PPP2R5A: variants seen among roughly 807,000 people sequenced by gnomAD.
The protein encoded by PPP2R5A is serine/threonine-protein phosphatase 2A 56 kDa regulatory subunit alpha isoform.
In PPP2R5A, 25 loss-of-function variants were observed where a neutral mutation model predicts 64.2. That is an observed-to-expected ratio of 0.39 (90% confidence interval 0.28 to 0.54). PPP2R5A has a LOEUF of 0.54. PPP2R5A is among the 20% of genes least tolerant of loss of function. PPP2R5A has a pLI of 0.67. For synonymous variants in PPP2R5A, 198 were observed against 201.2 expected (o/e 0.98, Z 0.13); for missense variants, 425 against 576.3 (o/e 0.74, Z 2.69).
In PPP2R5A at chr1:212,297,091, T is replaced by TTCC. The variant is rs1322763153; in HGVS notation, c.181+10802_181+10803insCTC. 7.5e-5 allele frequency among the ~76,000 whole-genome samples: 10 copies of TTCC among 133,450 alleles called. 3 individuals are homozygous for TTCC. Among genetic ancestry groups the TTCC allele is most frequent in the African/African-American group, 2.7e-4 (10 of 36,542 alleles). The allele number at this position is 133,450 out of a possible 152,430, so 87.5% of individuals were successfully genotyped here. A position where few individuals can be genotyped will look rare whatever the true frequency, so the allele number is the denominator to read the frequency against. ...ATACGTTTCTTTTCTTTTTCTTTGC[T>TTCC]TCTTCTTTTTTTTTTTTTTTTTTTT... On this transcript the variant is annotated intron_variant, in intron 1 of 12. Coordinates refer to ENST00000261461, the MANE Select transcript of PPP2R5A (RefSeq NM_006243.4).
rs372751886 is a variant in PPP2R5A, at chr1:212,350,927, C to CA, written c.927+1686dup. The stretch of plus-strand genomic sequence containing the variant: ...CCGAGGCAGGCGGATCACCTCAGGT[C>CA]AGGAGTTCAAGATCAGCCTGATCAA... On this transcript the variant is annotated intron_variant, in intron 8 of 12. Coordinates refer to ENST00000261461, the MANE Select transcript of PPP2R5A (RefSeq NM_006243.4). Among the ~76,000 whole-genome samples the CA allele has an allele frequency of 1.9e-3, 289 of 148,960 alleles. 3 individuals carry two copies. Among genetic ancestry groups the CA allele is most frequent in the African/African-American group, 6.9e-3 (278 of 40,464 alleles).
At chr1:212,320,301 G>T (rs1044699473) in intron 1 of PPP2R5A, among the ~76,000 whole-genome samples, 4 of 152,186 alleles carry the variant, frequency 2.6e-5, no homozygotes, top group African/African-American at 9.7e-5. Context: ...GCAGAAGAAT[G>T]TTTCTTAGTA....
At chr1:212,304,731 GTT>G (rs1401989270) in intron 1 of PPP2R5A, among the ~76,000 whole-genome samples, 3 of 124,828 alleles carry the variant, frequency 2.4e-5, no homozygotes, top group Non-Finnish European at 3.4e-5. Flanking sequence ...GCCGGCCCCA[GTT>G]TTTTTTTTTT....
intron 1 of PPP2R5A, among the ~76,000 whole-genome samples, chr1:212,291,191 A>G (rs1658596421): frequency 6.6e-6 from 1 of 151,268 alleles, no homozygotes; most frequent in Admixed American, 6.6e-5. Context: ...GCTCACTGCC[A>G]CCTCTGCCTC....
intron 1 of PPP2R5A, among the ~76,000 whole-genome samples, chr1:212,318,159 T>C (rs1189240989): frequency 6.6e-6 from 1 of 152,180 alleles, no homozygotes; most frequent in Non-Finnish European, 1.5e-5. Flanking sequence ...ATTTTTACAG[T>C]GTTGAGAATT....
Position 212,329,186 on chromosome 1 carries a change from G to A in PPP2R5A, c.233G>A (p.Cys78Tyr). The A allele has an allele frequency of 6.2e-7, 1 of 1,611,712 alleles. No individual in the cohort carries two copies. Among genetic ancestry groups the A allele is most frequent in the Non-Finnish European group, 8.5e-7 (1 of 1,179,192 alleles). Reference protein sequence around the residue: ...QELFCQKLQQCCILFDFMDSV... With the variant: ...QELFCQKLQQYCILFDFMDSV... ...CTTTTCTGTCAGAAGTTGCAGCAGTGTTGTATACTGTTTGATTTCATGGAC... is the reference window on the plus strand; with the variant it reads ...CTTTTCTGTCAGAAGTTGCAGCAGTATTGTATACTGTTTGATTTCATGGAC... The change falls in exon 2 of 13, where the codon TGT becomes TAT. Residue 78 changes from cysteine to tyrosine, a missense_variant. Transcript: ENST00000261461.
intron 9 of PPP2R5A, 28 bp downstream of exon 9, chr1:212,356,704 A>T (rs769263197): frequency 6.2e-7 from 1 of 1,602,922 alleles, no homozygotes; most frequent in South Asian, 1.1e-5. Context: ...AATGTAGTGC[A>T]TTTTACTAGA....
At chr1:212,303,665 A>C (rs551318134) in intron 1 of PPP2R5A, among the ~76,000 whole-genome samples, 1 of 152,008 alleles carries the variant, frequency 6.6e-6, no homozygotes, top group South Asian at 2.1e-4. Flanking sequence ...GAATTTTGTA[A>C]TTTTAACCTT....
At chr1:212,288,177 C>G (rs1658540057) in intron 1 of PPP2R5A, among the ~76,000 whole-genome samples, 1 of 152,098 alleles carries the variant, frequency 6.6e-6, no homozygotes, top group Non-Finnish European at 1.5e-5. Flanking sequence ...TCACCATGGC[C>G]GGCTAATTTC....
chr1:212,327,987 G>T (rs1659436685), intron 1 of PPP2R5A, among the ~76,000 whole-genome samples: 1 of 152,144 alleles, frequency 6.6e-6, no homozygotes, highest in South Asian at 2.1e-4. Context: ...GATAATTTTT[G>T]TATTTTTAGT....
chr1:212,321,195 A>AC (rs1263943814), intron 1 of PPP2R5A, among the ~76,000 whole-genome samples: 11 of 136,160 alleles, frequency 8.1e-5, no homozygotes, highest in East Asian at 2.3e-4. Context: ...CGGGGGGCTG[A>AC]CCCCCCCACA....
intron 1 of PPP2R5A, among the ~76,000 whole-genome samples, chr1:212,316,610 TTTTA>T (rs1462427522): frequency 1.3e-5 from 2 of 148,148 alleles, no homozygotes; most frequent in Non-Finnish European, 3.0e-5. Context: ...TTTTTTTTTT[TTTTA>T]ATCTGAAAGC....
In PPP2R5A at chr1:212,342,256, C is replaced by T; in HGVS notation, c.549C>T (p.Tyr183=). 1.2e-6 allele frequency: 2 copies of T among 1,613,456 alleles called. No homozygotes were observed. The highest frequency in any genetic ancestry group is 2.2e-5 in the East Asian group (1 of 44,800). The change falls in exon 4 of 13, where the codon TAC becomes TAT. Residue 183 remains tyrosine (Y), a synonymous_variant. Coordinates refer to ENST00000261461, the MANE Select transcript of PPP2R5A (RefSeq NM_006243.4). ...TCCAGCCTAGCATTGCAAAACGATACATTGATCAGAAATTCGTACAACAGG... is the reference window on the plus strand; with the variant it reads ...TCCAGCCTAGCATTGCAAAACGATATATTGATCAGAAATTCGTACAACAGG... The part of the protein sequence containing the change: ...PDFQPSIAKR[Y]IDQKFVQQLL...
intron 12 of PPP2R5A, among the ~76,000 whole-genome samples, chr1:212,359,415 G>C (rs1660042233): frequency 6.6e-6 from 1 of 152,146 alleles, no homozygotes; most frequent in Non-Finnish European, 1.5e-5. Flanking sequence ...GTATTTTAGA[G>C]TATAAATGTT....
chr1:212,351,893 GCAAAA>G lies in PPP2R5A; in HGVS notation c.927+2664_927+2668del, dbSNP rs113309693. ...TCAAAGCTGCATTTTTATAAAACAAGCAAAACAAAACAAAACACCGTTCTTATTCC... is the reference window on the plus strand; with the variant it reads ...TCAAAGCTGCATTTTTATAAAACAAGCAAAACAAAACACCGTTCTTATTCC... On this transcript the variant is annotated intron_variant, in intron 8 of 12. Coordinates refer to ENST00000261461, the MANE Select transcript of PPP2R5A (RefSeq NM_006243.4). Among the ~76,000 whole-genome samples, 344 of 151,776 alleles carry G rather than the reference GCAAAA, an allele frequency of 2.3e-3. 3 individuals are homozygous for G. The highest frequency in any genetic ancestry group is 6.6e-3 in the African/African-American group (272 of 41,428).
At chr1:212,286,371 G>T (rs1304618066) in intron 1 of PPP2R5A, 80 bp downstream of exon 1, 2 of 1,373,158 alleles carry the variant, frequency 1.5e-6, no homozygotes, top group Non-Finnish European at 1.9e-6. Context: ...GCCATTTCCT[G>T]CTGGGTTTCT....
chr1:212,301,774 G>C (rs1004373903), intron 1 of PPP2R5A: 1 of 1,055,346 alleles, frequency 9.5e-7, no homozygotes, highest in African/African-American at 1.7e-5. Flanking sequence ...TGCATCCTCA[G>C]CGTGTCACTG....
At chr1:212,309,845 A>G (rs1160273453) in intron 1 of PPP2R5A, among the ~76,000 whole-genome samples, 2 of 152,192 alleles carry the variant, frequency 1.3e-5, no homozygotes, top group South Asian at 2.1e-4. Flanking sequence ...GTTCATGCAT[A>G]ATTTTTGTGA....
At chr1:212,288,854 A>T (rs1658551415) in intron 1 of PPP2R5A, among the ~76,000 whole-genome samples, 1 of 99,010 alleles carries the variant, frequency 1.0e-5, no homozygotes, top group Non-Finnish European at 2.0e-5. Context: ...TTTAAGTTTC[A>T]TACCAGCCTG....
Sources: gnomAD v4.1 joint callset for allele counts (sites outside exome capture counted in the v4.1 genomes callset) on GRCh38, gnomAD v4.1.1 for gene constraint, MANE v1.5 for transcripts, NCBI Gene and HGNC (gene_info 2026-07-23, HGNC 2026-07-21) for gene names.